The following SYTL3 variants were observed in gnomAD, a reference collection of about 807,000 sequenced individuals.
SYTL3 encodes the protein synaptotagmin-like protein 3.
SYTL3 carries 88 observed loss-of-function variants against 82.1 expected under a neutral mutation model. The observed-to-expected ratio is 1.07, with a 90% CI of 0.90 to 1.28. The LOEUF is 1.28. Ranked by LOEUF, SYTL3 falls within the 50% of genes most tolerant of loss-of-function variation. The probability of loss-of-function intolerance (pLI) is 0.00; values close to 1 mark genes in which losing one functional copy is unlikely to be tolerated. For missense variants in SYTL3, 831 were observed against 757.6 expected (o/e 1.10, Z -1.14); for synonymous variants, 311 against 289.4 (o/e 1.07, Z -0.76).
In SYTL3 at chr6:158,693,850, C is replaced by CT. The variant is rs1357595960; in HGVS notation, c.394+10865dup. 2.4e-3 allele frequency among the ~76,000 whole-genome samples: 141 copies of CT among 58,410 alleles called. 1 individual carries two copies. The highest frequency in any genetic ancestry group is 3.0e-3 in the Non-Finnish European group (97 of 32,324). The allele number at this position is 58,410 out of a possible 152,430, so 38.3% of individuals were successfully genotyped here. A position where few individuals can be genotyped will look rare whatever the true frequency, so the allele number is the denominator to read the frequency against. ...GCCACTGCATCCAGCCTTTCTTTTT[C>CT]TTTTCTTTTTTTTTTTTTTTTTTGT... On this transcript the variant is annotated intron_variant, in intron 6 of 17. Coordinates refer to ENST00000611299, the MANE Select transcript of SYTL3 (RefSeq NM_001242394.2).
At chr6:158,660,126 G>T (rs544124805) in intron 2 of SYTL3, among the ~76,000 whole-genome samples, 5 of 152,210 alleles carry the variant, frequency 3.3e-5, no homozygotes, top group African/African-American at 1.2e-4. Flanking sequence ...TTAGCCGGGC[G>T]TGGTGGCGGG....
At chr6:158,709,827 A>G (rs1030993348) in intron 8 of SYTL3, among the ~76,000 whole-genome samples, 1 of 152,184 alleles carries the variant, frequency 6.6e-6, no homozygotes, top group African/African-American at 2.4e-5. Context: ...AGAAACATGT[A>G]AAAACATGAC....
chr6:158,756,699 AGATCCT>A (rs1789120510), intron 13 of SYTL3, among the ~76,000 whole-genome samples: 1 of 134,906 alleles, frequency 7.4e-6, no homozygotes, highest in African/African-American at 2.8e-5. Context: ...TGACAGAGCG[AGATCCT>A]GTCTCAAAAA....
Position 158,763,331 on chromosome 6 carries a change from A to G in SYTL3, c.1545A>G (p.Lys515=). 6.2e-7 allele frequency: 1 copy of G among 1,614,212 alleles called. No homozygotes were observed. Among genetic ancestry groups the G allele is most frequent in the Non-Finnish European group, 8.5e-7 (1 of 1,180,048 alleles). ...KGCLTLPDQQ[K]LRLKSPVLRK... ...GTCTCACTCTGCCAGACCAACAAAA[A>G]CTGAGACTGAAGTCGCCAGTCCTGA... Residue 515 remains lysine (K), a synonymous_variant, in exon 17 of 18, where the codon AAA becomes AAG. Transcript: ENST00000611299.
At chr6:158,679,026 C>G (rs984231494) in intron 5 of SYTL3, among the ~76,000 whole-genome samples, 1 of 152,144 alleles carries the variant, frequency 6.6e-6, no homozygotes, top group Non-Finnish European at 1.5e-5. Flanking sequence ...ACTACAGGAT[C>G]TATCACCTCT....
chr6:158,662,459 G>T (rs936771687), intron 3 of SYTL3, among the ~76,000 whole-genome samples: 2 of 152,106 alleles, frequency 1.3e-5, no homozygotes, highest in Non-Finnish European at 2.9e-5. Flanking sequence ...CAACAGTTGG[G>T]AATGTCATTT....
intron 16 of SYTL3, among the ~76,000 whole-genome samples, chr6:158,762,617 C>T (rs573379401): frequency 9.9e-4 from 150 of 152,108 alleles, no homozygotes; most frequent in Non-Finnish European, 1.7e-3. Flanking sequence ...GGAAAAATGA[C>T]GGTCAAGATA....
At chr6:158,683,095 C>T (rs1437494861) in intron 6 of SYTL3, 106 bp downstream of exon 6, 13 of 752,556 alleles carry the variant, frequency 1.7e-5, no homozygotes, top group South Asian at 3.2e-5. Flanking sequence ...GTGTAGTCTG[C>T]GGGCCCCTAT....
At chr6:158,659,650 T>C (rs565997598) in intron 2 of SYTL3, among the ~76,000 whole-genome samples, 17 of 152,320 alleles carry the variant, frequency 1.1e-4, no homozygotes, top group African/African-American at 3.8e-4. Context: ...CCACTGCACC[T>C]GGGCAATTGT....
chr6:158,683,238 T>TC (rs1778927093), intron 6 of SYTL3, among the ~76,000 whole-genome samples: 1 of 137,620 alleles, frequency 7.3e-6, no homozygotes, highest in Non-Finnish European at 1.5e-5. Flanking sequence ...TTTTTTTTTT[T>TC]TGAGGCGAAG....
intron 14 of SYTL3, among the ~76,000 whole-genome samples, chr6:158,758,981 C>G (rs1329056539): frequency 6.6e-6 from 1 of 152,210 alleles, no homozygotes; most frequent in East Asian, 1.9e-4. Flanking sequence ...CACCCCCGCT[C>G]TGTCATCTCT....
intron 6 of SYTL3, among the ~76,000 whole-genome samples, chr6:158,702,566 G>T (rs1781441856): frequency 6.6e-6 from 1 of 151,726 alleles, no homozygotes; most frequent in Non-Finnish European, 1.5e-5. Flanking sequence ...GGGAAAAGAA[G>T]TTACTCAGCT....
intron 6 of SYTL3, 98 bp downstream of exon 6, chr6:158,683,087 G>A (rs1237195324): frequency 1.8e-5 from 15 of 823,386 alleles, no homozygotes; most frequent in Non-Finnish European, 3.0e-5. Flanking sequence ...CATGATGGGT[G>A]TAGTCTGCGG....
intron 5 of SYTL3, among the ~76,000 whole-genome samples, chr6:158,671,116 T>A (rs1777332691): frequency 6.6e-6 from 1 of 152,036 alleles, no homozygotes; most frequent in Non-Finnish European, 1.5e-5. Flanking sequence ...TGGAGTACTT[T>A]TTAGAAAAAA....
At chr6:158,726,666 TC>T in intron 11 of SYTL3, 1 of 288,548 alleles carries the variant, frequency 3.5e-6, no homozygotes, top group South Asian at 4.9e-5. Flanking sequence ...TCCAAAGAGA[TC>T]ACTGGCTGGC....
chr6:158,748,440 CA>C (rs1412382220), intron 12 of SYTL3, among the ~76,000 whole-genome samples: 2 of 152,126 alleles, frequency 1.3e-5, no homozygotes, highest in African/African-American at 4.8e-5. Context: ...GTCTTTGCCC[CA>C]AAAGTATTTC....
rs11965002 is a variant in SYTL3, at chr6:158,700,908, A to G, written c.395-6322A>G. Among the ~76,000 whole-genome samples the G allele has an allele frequency of 9.1e-3, 1,388 of 152,220 alleles. 25 individuals are homozygous for G. Among genetic ancestry groups the G allele is most frequent in the African/African-American group, 0.03 (1,246 of 41,540 alleles). On this transcript the variant is annotated intron_variant, in intron 6 of 17. Transcript: ENST00000611299. ...TGGGATTACAGGCATGAGCCACCGC[A>G]CCTGGCCTGTTGTATTTATAAGCAC... is the stretch of plus-strand genomic sequence containing the variant.
chr6:158,701,250 GAGTGTGA>G lies in SYTL3; in HGVS notation c.395-5979_395-5973del, dbSNP rs1562393478. ...AGTGTGAGCTGGGGTGTAGATGAAG[GAGTGTGA>G]GCTGGGGTGTAGATGAAGGAGTGTG... On this transcript the variant is annotated intron_variant, in intron 6 of 17. Transcript: ENST00000611299. Among the ~76,000 whole-genome samples the G allele has an allele frequency of 1.3e-3, 18 of 13,850 alleles. 1 individual carries two copies. The highest frequency in any genetic ancestry group is 4.2e-3 in the African/African-American group (5 of 1,200). 9.1% of individuals were successfully genotyped at this position (13,850 alleles called of 152,430 possible).
At chr6:158,701,707 T>C (rs1193472986) in intron 6 of SYTL3, among the ~76,000 whole-genome samples, 1 of 151,780 alleles carries the variant, frequency 6.6e-6, no homozygotes, top group Non-Finnish European at 1.5e-5. Context: ...TGGATTTGCC[T>C]CCTGGGGCTG....
Sources: allele counts gnomAD v4.1 joint callset (sites outside exome capture counted in the v4.1 genomes callset), GRCh38; gene constraint gnomAD v4.1.1; transcripts MANE v1.5; gene names NCBI Gene and HGNC (gene_info 2026-07-23, HGNC 2026-07-21).